The following ZFHX3 variants were observed in gnomAD, a reference collection of about 807,000 sequenced individuals.
ZFHX3 encodes zinc finger homeobox protein 3.
A neutral mutation model predicts 279.1 loss-of-function variants in ZFHX3; 42 were observed. The ratio of observed to expected loss-of-function variants is 0.15; its 90% CI spans 0.12 to 0.19. The LOEUF (loss-of-function observed/expected upper bound fraction) is 0.19, where lower values mean the gene tolerates loss of function less well. Ranked by LOEUF, ZFHX3 falls within the 10% of genes least tolerant of loss-of-function variation. The pLI is 1.00. For synonymous variants in ZFHX3, 2,293 were observed against 1,957.8 expected (o/e 1.17, Z -4.52); for missense variants, 4,981 against 4,754.0 (o/e 1.05, Z -1.40).
rs1369727181 is a variant in ZFHX3 at position 72,784,897 on chromosome 16, TAAA to T, written c.*2264_*2266del. 1.3e-5 allele frequency: 2 copies of T among 152,108 alleles called. No homozygotes were observed. Among genetic ancestry groups the T allele is most frequent in the African/African-American group, 4.8e-5 (2 of 41,292 alleles). 9.4% of individuals were successfully genotyped at this position (152,108 alleles called of 1,614,324 possible). ...TAAACTAAAAACAAATTCATAAAAA[TAAA>T]ATAGTCCCGGCTAAAAAAGAAAAAA... On this transcript the variant is annotated 3_prime_UTR_variant, in exon 10 of 10. Coordinates refer to ENST00000268489, the MANE Select transcript of ZFHX3 (RefSeq NM_006885.4).
chr16:73,025,103 G>C (rs1034391441), intron 1 of ZFHX3, among the ~76,000 whole-genome samples: 1 of 152,194 alleles, frequency 6.6e-6, no homozygotes, highest in Non-Finnish European at 1.5e-5. Context: ...TTACACCGCA[G>C]GGGGAACGAA....
Position 73,875,444 on chromosome 16 carries a change from G to A in ZFHX3, c.-1608+16207C>T, listed in dbSNP as rs927101786. Among the ~76,000 whole-genome samples the A allele has an allele frequency of 5.1e-4, 77 of 152,106 alleles. 1 individual carries two copies. Among genetic ancestry groups the A allele is most frequent in the Admixed American group, 3.3e-3 (50 of 15,276 alleles). On this transcript the variant is annotated intron_variant, in intron 1 of 17. Coordinates refer to the ZFHX3 transcript ENST00000641206. ...CATTAAAGTATATTCTGTTTACACC[G>A]TTCATTCTAAAATACAGCATATAAA...
At chr16:73,891,821 A>T (rs1156678004) in exon 1 of ZFHX3, 1 of 151,758 alleles carries the variant, frequency 6.6e-6, no homozygotes, top group African/African-American at 2.4e-5. Context: ...AAAAAAAATA[A>T]AAAAGACAAC....
intron 1 of ZFHX3, among the ~76,000 whole-genome samples, chr16:73,841,365 G>A (rs1466054572): frequency 6.6e-6 from 1 of 152,172 alleles, no homozygotes; most frequent in Non-Finnish European, 1.5e-5. Context: ...CACAGCAGGG[G>A]TTCAGTGAAC....
intron 1 of ZFHX3, among the ~76,000 whole-genome samples, chr16:72,981,808 C>A (rs990583335): frequency 2.0e-5 from 3 of 152,180 alleles, no homozygotes; most frequent in Non-Finnish European, 4.4e-5. Flanking sequence ...CACAGTCACA[C>A]CCAGCACCAG....
chr16:73,248,642 T>C (rs1236735381), intron 5 of ZFHX3, among the ~76,000 whole-genome samples: 1 of 128,740 alleles, frequency 7.8e-6, no homozygotes, highest in Admixed American at 8.1e-5. Context: ...ATGTGGAGAA[T>C]GTATGTGTGT....
At chr16:73,190,612 G>T (rs571363526) in intron 5 of ZFHX3, among the ~76,000 whole-genome samples, 1 of 152,334 alleles carries the variant, frequency 6.6e-6, no homozygotes, top group South Asian at 2.1e-4. Flanking sequence ...GAAGGTGTGC[G>T]TAAGAAGGGG....
intron 5 of ZFHX3, among the ~76,000 whole-genome samples, chr16:73,176,416 G>A (rs1358527152): frequency 1.3e-5 from 2 of 152,082 alleles, no homozygotes; most frequent in Admixed American, 1.3e-4. Flanking sequence ...TCCCATTTTT[G>A]TTCCTTATCA....
intron 2 of ZFHX3, among the ~76,000 whole-genome samples, chr16:73,494,627 C>A (rs1456594204): frequency 1.3e-5 from 2 of 151,276 alleles, no homozygotes; most frequent in Non-Finnish European, 3.0e-5. Context: ...ATGGTGTGAT[C>A]TCGGCTCACC....
chr16:72,874,824 T>G (rs12929166), intron 4 of ZFHX3, among the ~76,000 whole-genome samples: 51 of 152,318 alleles, frequency 3.3e-4, no homozygotes, highest in South Asian at 4.1e-4. Context: ...CTTTGGAGTG[T>G]TTCTGTGATC....
At chr16:73,616,915 C>G (rs12102761) in intron 2 of ZFHX3, among the ~76,000 whole-genome samples, 2 of 152,122 alleles carry the variant, frequency 1.3e-5, no homozygotes, top group Non-Finnish European at 2.9e-5. Context: ...CTTCCACATG[C>G]GATTCAGAGA....
At position 73,613,178 on chromosome 16, in the gene ZFHX3, A is replaced by T. The variant is rs541606037; in HGVS notation, c.-1547+67002T>A. 6.0e-4 allele frequency among the ~76,000 whole-genome samples: 91 copies of T among 152,272 alleles called. 1 individual carries two copies. Among genetic ancestry groups the T allele is most frequent in the African/African-American group, 2.1e-3 (89 of 41,560 alleles). ...TTGTTATACAGAAAAACAAATCCAG[A>T]CTTCCCTTGTTGTCTATGGGTCGAA... On this transcript the variant is annotated intron_variant, in intron 2 of 17. Transcript: ENST00000641206.
chr16:73,632,076 A>G (rs1364240040), intron 2 of ZFHX3, among the ~76,000 whole-genome samples: 1 of 152,244 alleles, frequency 6.6e-6, no homozygotes, highest in African/African-American at 2.4e-5. Context: ...GAAGAAAGAA[A>G]ATGGCCTAGG....
intron 4 of ZFHX3, among the ~76,000 whole-genome samples, chr16:73,303,961 T>TG (rs1432522548): frequency 0.049 from 3,013 of 61,470 alleles, 58 homozygotes; most frequent in South Asian, 0.11. Context: ...AAACCCTAGG[T>TG]GGAAAAAAAA....
Position 72,797,048 on chromosome 16 carries a change from G to A in ZFHX3, c.5634C>T (p.Asn1878=). ...LQPSQHPEKK[N]KLVIKEKEKE... ...TTTCCTTTTCTTTGATGACCAATTT[G>A]TTCTTCTTTTCGGGGTGCTGGCTTG... The change falls in exon 9 of 10, where the codon AAC becomes AAT. Residue 1878 remains asparagine, a synonymous_variant. Transcript: ENST00000268489. 1 of 1,613,930 alleles carries A rather than the reference G, an allele frequency of 6.2e-7. No individual in the cohort carries two copies. Among genetic ancestry groups the A allele is most frequent in the African/African-American group, 1.3e-5 (1 of 74,946 alleles).
At chr16:73,722,765 T>G (rs2053486076) in intron 1 of ZFHX3, among the ~76,000 whole-genome samples, 1 of 152,190 alleles carries the variant, frequency 6.6e-6, no homozygotes, top group Non-Finnish European at 1.5e-5. Flanking sequence ...TGGTGCAAAC[T>G]GGATCTTACA....
intron 3 of ZFHX3, among the ~76,000 whole-genome samples, chr16:72,937,135 G>C (rs1960166748): frequency 6.6e-6 from 1 of 152,166 alleles, no homozygotes; most frequent in Non-Finnish European, 1.5e-5. Context: ...AGCCTGCGGA[G>C]TTCATTCTCA....
At chr16:73,855,893 G>A (rs563321072) in intron 1 of ZFHX3, among the ~76,000 whole-genome samples, 3 of 152,232 alleles carry the variant, frequency 2.0e-5, no homozygotes, top group Admixed American at 6.5e-5. Flanking sequence ...ACTGTCTTAC[G>A]AGATCTATGT....
intron 2 of ZFHX3, among the ~76,000 whole-genome samples, chr16:73,632,387 CAGAAAG>C (rs2052482398): frequency 6.6e-6 from 1 of 152,052 alleles, no homozygotes; most frequent in Non-Finnish European, 1.5e-5. Context: ...AAGAAGTTAA[CAGAAAG>C]TCATATGAGC....
Sources: allele counts gnomAD v4.1 joint callset (sites outside exome capture counted in the v4.1 genomes callset), GRCh38; gene constraint gnomAD v4.1.1; transcripts MANE v1.5; gene names NCBI Gene and HGNC (gene_info 2026-07-23, HGNC 2026-07-21).